Variants in RNMT observed in about 807,000 individuals in gnomAD.
RNMT encodes the protein mRNA cap guanine-N(7) methyltransferase.
RNMT carries 27 observed loss-of-function variants against 56.0 expected under a neutral mutation model. The ratio of observed to expected loss-of-function variants is 0.48; its 90% CI spans 0.36 to 0.67. The LOEUF (loss-of-function observed/expected upper bound fraction) is 0.67. RNMT is among the 30% of genes least tolerant of loss of function. RNMT has a pLI of 0.00. For missense variants in RNMT, 519 were observed against 552.1 expected (o/e 0.94, Z 0.60); for synonymous variants, 184 against 176.2 (o/e 1.04, Z -0.35).
intron 9 of RNMT, 136 bp downstream of exon 9, chr18:13,746,473 A>G: frequency 1.5e-6 from 1 of 669,234 alleles, no homozygotes; most frequent in Non-Finnish European, 2.7e-6. Flanking sequence ...GGAGCTTGAT[A>G]CAGAAACTGC....
At chr18:13,737,242 T>G (rs2044176413) in intron 5 of RNMT, 107 bp downstream of exon 5, 2 of 1,008,878 alleles carry the variant, frequency 2.0e-6, no homozygotes, top group South Asian at 1.9e-5. Flanking sequence ...ATGAGATGGG[T>G]TTTTTTTAAA....
intron 2 of RNMT, among the ~76,000 whole-genome samples, chr18:13,731,181 C>T (rs1016836827): frequency 6.6e-6 from 1 of 152,032 alleles, no homozygotes; most frequent in African/African-American, 2.4e-5. Flanking sequence ...CCAAGGCAGG[C>T]GGATCACCTG....
intron 1 of RNMT, 190 bp from the exon 2 acceptor site, chr18:13,730,437 T>C (rs1300031892): frequency 6.6e-6 from 1 of 152,250 alleles, no homozygotes; most frequent in Non-Finnish European, 1.5e-5. Context: ...TTTCTGTTCT[T>C]GATGCCCTTA....
chr18:13,747,858 A>G (rs978670374), intron 9 of RNMT, among the ~76,000 whole-genome samples: 1 of 152,142 alleles, frequency 6.6e-6, no homozygotes, highest in Non-Finnish European at 1.5e-5. Flanking sequence ...TAGCAAAACT[A>G]TGTGTGGATA....
intron 10 of RNMT, among the ~76,000 whole-genome samples, chr18:13,752,706 A>G (rs983402627): frequency 6.6e-6 from 1 of 152,224 alleles, no homozygotes; most frequent in Non-Finnish European, 1.5e-5. Context: ...GCACCAATGA[A>G]CCACAGCATT....
chr18:13,757,548 G>C (rs56033530), intron 11 of RNMT, among the ~76,000 whole-genome samples: 9,098 of 152,180 alleles, frequency 0.06, 916 homozygotes, highest in African/African-American at 0.21. Flanking sequence ...CTCTTCATTT[G>C]TTCAAGTTTG....
At position 13,761,843 on chromosome 18, in the gene RNMT, A is replaced by AGCCCCCCCCCCCCCC; in HGVS notation, c.*1864_*1865insGCCCCCCCCCCCCCC. ...ATCAGTTCTTCCTCCACCACCCTACACCCCCCTCCCCCCGGCCCCAAGCCC... is the reference window on the plus strand; with the variant it reads ...ATCAGTTCTTCCTCCACCACCCTACAGCCCCCCCCCCCCCCCCCCCCTCCCCCCGGCCCCAAGCCC... On this transcript the variant is annotated 3_prime_UTR_variant, in exon 12 of 12. Coordinates refer to ENST00000383314, the MANE Select transcript of RNMT (RefSeq NM_003799.3). 1 of 1,149,682 alleles carries AGCCCCCCCCCCCCCC rather than the reference A, an allele frequency of 8.7e-7. No homozygotes were observed. Among genetic ancestry groups the AGCCCCCCCCCCCCCC allele is most frequent in the Non-Finnish European group, 1.1e-6 (1 of 920,680 alleles). 71.2% of individuals were successfully genotyped at this position (1,149,682 alleles called of 1,614,324 possible). A position where few individuals can be genotyped will look rare whatever the true frequency, so the allele number is the denominator to read the frequency against.
chr18:13,734,183 G>A (rs995664462), intron 3 of RNMT, among the ~76,000 whole-genome samples: 4 of 152,096 alleles, frequency 2.6e-5, no homozygotes, highest in East Asian at 1.9e-4. Context: ...GGCCTCCCCC[G>A]CCACGAGGAA....
intron 11 of RNMT, among the ~76,000 whole-genome samples, chr18:13,756,750 T>G (rs1343309811): frequency 1.3e-5 from 2 of 152,208 alleles, no homozygotes; most frequent in Admixed American, 1.3e-4. Context: ...AGCAAGAAGC[T>G]GGAGTCTTGG....
chr18:13,734,590 G>A lies in RNMT; in HGVS notation c.544G>A (p.Val182Ile). The change falls in exon 4 of 12, where the codon GTT (valine) becomes ATT (isoleucine). Residue 182 changes from valine to isoleucine, a missense_variant. Transcript: ENST00000383314. ...LRNFNNWMKS[V>I]LIGEFLEKVR... ...AAACTTTAATAATTGGATGAAAAGT[G>A]TTCTCATTGGTATGATCCAACACCA... is the stretch of plus-strand genomic sequence containing the variant. 6.2e-7 allele frequency: 1 copy of A among 1,611,874 alleles called. No individual in the cohort carries two copies.
intron 9 of RNMT, among the ~76,000 whole-genome samples, chr18:13,750,716 A>G (rs1469731572): frequency 6.6e-6 from 1 of 152,008 alleles, no homozygotes; most frequent in African/African-American, 2.4e-5. Flanking sequence ...GTGGAGGATC[A>G]CTTGAGCTCG....
intron 5 of RNMT, among the ~76,000 whole-genome samples, chr18:13,737,407 G>A (rs2149088315): frequency 6.6e-6 from 1 of 152,180 alleles, no homozygotes; most frequent in Admixed American, 6.5e-5. Context: ...GCTGGGCATG[G>A]TGGTGCACAC....
At chr18:13,755,162 T>C (rs2044521802) in intron 11 of RNMT, among the ~76,000 whole-genome samples, 1 of 152,244 alleles carries the variant, frequency 6.6e-6, no homozygotes, top group African/African-American at 2.4e-5. Flanking sequence ...AGATGTTAAA[T>C]CTCTACCTTC....
chr18:13,732,539 TA>T (rs1381397620), intron 3 of RNMT, among the ~76,000 whole-genome samples: 1 of 152,170 alleles, frequency 6.6e-6, no homozygotes. Flanking sequence ...GCCTAATATT[TA>T]GCAAAGATAT....
intron 11 of RNMT, among the ~76,000 whole-genome samples, chr18:13,755,307 A>T (rs959846080): frequency 1.3e-4 from 20 of 152,222 alleles, no homozygotes; most frequent in Non-Finnish European, 2.5e-4. Context: ...GACATCTGGG[A>T]TGTAGTAATA....
intron 7 of RNMT, 52 bp downstream of exon 7, chr18:13,741,743 C>A: frequency 8.6e-7 from 1 of 1,161,850 alleles, no homozygotes; most frequent in Non-Finnish European, 1.2e-6. Flanking sequence ...TATTAAGTAG[C>A]AAATGTTTAT....
Position 13,761,015 on chromosome 18 carries a change from G to C in RNMT, c.*1036G>C. 1 of 985,344 alleles carries C rather than the reference G, an allele frequency of 1.0e-6. No homozygotes were observed. The allele number at this position is 985,344 out of a possible 1,614,324, so 61.0% of individuals were successfully genotyped here. A position where few individuals can be genotyped will look rare whatever the true frequency, so the allele number is the denominator to read the frequency against. ...GAAAACTTACCAGTTTTTAGATGTAGATGTAGTGAAAAACTTCAAGAATGA... is the reference window on the plus strand; with the variant it reads ...GAAAACTTACCAGTTTTTAGATGTACATGTAGTGAAAAACTTCAAGAATGA... On this transcript the variant is annotated 3_prime_UTR_variant, in exon 12 of 12. Transcript: ENST00000383314.
Position 13,762,355 on chromosome 18 carries a change from C to A in RNMT, c.*2376C>A. 1.6e-6 allele frequency: 1 copy of A among 612,796 alleles called. No homozygotes were observed. The highest frequency in any genetic ancestry group is 2.8e-6 in the Non-Finnish European group (1 of 359,898). 38.0% of individuals were successfully genotyped at this position (612,796 alleles called of 1,614,324 possible). A position where few individuals can be genotyped will look rare whatever the true frequency, so the allele number is the denominator to read the frequency against. On this transcript the variant is annotated 3_prime_UTR_variant, in exon 12 of 12. Coordinates refer to ENST00000383314, the MANE Select transcript of RNMT (RefSeq NM_003799.3). ...GGGAGAGGAGCTGGCAGTTTTTAACCACTTCTGTGGGAGCCGTGTTCTAAC... is the reference window on the plus strand; with the variant it reads ...GGGAGAGGAGCTGGCAGTTTTTAACAACTTCTGTGGGAGCCGTGTTCTAAC...
intron 6 of RNMT, 72 bp downstream of exon 6, chr18:13,740,351 A>C (rs976874415): frequency 1.1e-6 from 1 of 869,916 alleles, no homozygotes; most frequent in Admixed American, 2.7e-5. Context: ...TTTAAAAATC[A>C]ACTCAATTTT....
Sources: gnomAD v4.1 joint callset for allele counts (sites outside exome capture counted in the v4.1 genomes callset) on GRCh38, gnomAD v4.1.1 for gene constraint, MANE v1.5 for transcripts, NCBI Gene and HGNC (gene_info 2026-07-23, HGNC 2026-07-21) for gene names.